Variants in DNAJC15 observed in about 807,000 individuals in gnomAD.
The protein encoded by DNAJC15 is DnaJ heat shock protein family (Hsp40) member C15.
Under a neutral mutation model 22.4 loss-of-function variants are expected in DNAJC15, and 27 were observed. The observed-to-expected ratio is 1.20, with a 90% CI of 0.89 to 1.66. The LOEUF (loss-of-function observed/expected upper bound fraction) is 1.66, where lower values mean the gene tolerates loss of function less well. Among genes scored for constraint, DNAJC15 ranks in the 40% most tolerant of loss-of-function variants. The pLI is 0.00. For synonymous variants in DNAJC15, 79 were observed against 63.2 expected (o/e 1.25, Z -1.19); for missense variants, 208 against 187.1 (o/e 1.11, Z -0.65).
At chr13:43,082,256 C>G (rs1190287620) in intron 4 of DNAJC15, among the ~76,000 whole-genome samples, 4 of 152,040 alleles carry the variant, frequency 2.6e-5, no homozygotes, top group African/African-American at 9.7e-5. Context: ...CATACCCCCA[C>G]TGCCAGCCAG....
rs1279671408 is a variant in DNAJC15 at position 43,108,404 on chromosome 13, T to G, written c.*1156T>G. Reference sequence around the variant, plus strand: ...TTTCTTAGAACATAGTCCCTGATCATTATCACTTTACTATTCCAAAGGTGA... The same window carrying G: ...TTTCTTAGAACATAGTCCCTGATCAGTATCACTTTACTATTCCAAAGGTGA... On this transcript the variant is annotated 3_prime_UTR_variant, in exon 6 of 6. Transcript: ENST00000379221. 1.3e-5 allele frequency: 2 copies of G among 152,194 alleles called. No homozygotes were observed. The highest frequency in any genetic ancestry group is 2.9e-5 in the Non-Finnish European group (2 of 68,010). 9.4% of individuals were successfully genotyped at this position (152,194 alleles called of 1,614,324 possible). A position where few individuals can be genotyped will look rare whatever the true frequency, so the allele number is the denominator to read the frequency against.
At chr13:43,099,318 A>C (rs2040755813) in intron 5 of DNAJC15, among the ~76,000 whole-genome samples, 1 of 152,212 alleles carries the variant, frequency 6.6e-6, no homozygotes, top group Non-Finnish European at 1.5e-5. Context: ...ATACAAGATC[A>C]TGTCACCTAT....
intron 1 of DNAJC15, among the ~76,000 whole-genome samples, chr13:43,062,832 C>T (rs906333839): frequency 5.3e-5 from 8 of 152,016 alleles, no homozygotes; most frequent in Admixed American, 1.3e-4. Context: ...GATTCTCCTG[C>T]CTCAGCCCCC....
chr13:43,024,921 T>C (rs9594866), intron 1 of DNAJC15, among the ~76,000 whole-genome samples: 33,471 of 102,142 alleles, frequency 0.33, 4,394 homozygotes, highest in African/African-American at 0.4. Context: ...ATTAGCTGGG[T>C]GTGGTGGTGT....
intron 5 of DNAJC15, among the ~76,000 whole-genome samples, chr13:43,091,527 A>C (rs1370964800): frequency 6.6e-6 from 1 of 152,168 alleles, no homozygotes. Flanking sequence ...GGTTCATAAT[A>C]TCTTCTTATT....
At chr13:43,044,719 C>T (rs781671569) in intron 1 of DNAJC15, among the ~76,000 whole-genome samples, 3 of 152,012 alleles carry the variant, frequency 2.0e-5, no homozygotes, top group Admixed American at 1.3e-4. Flanking sequence ...CTAGCATTGT[C>T]CATTATATTT....
intron 5 of DNAJC15, among the ~76,000 whole-genome samples, chr13:43,102,150 C>T (rs1332994154): frequency 1.3e-5 from 2 of 151,846 alleles, no homozygotes; most frequent in African/African-American, 4.8e-5. Flanking sequence ...GTATGGCATT[C>T]TGGTTTTGAT....
chr13:43,103,385 G>T (rs2040780739), intron 5 of DNAJC15, among the ~76,000 whole-genome samples: 1 of 152,172 alleles, frequency 6.6e-6, no homozygotes, highest in Non-Finnish European at 1.5e-5. Flanking sequence ...AGGTTTTACA[G>T]GGGTACACTG....
intron 4 of DNAJC15, 28 bp from the exon 5 acceptor site, chr13:43,085,739 AT>A: frequency 6.3e-7 from 1 of 1,590,496 alleles, no homozygotes; most frequent in Non-Finnish European, 8.6e-7. Flanking sequence ...GATGCTATTT[AT>A]TATAAGCACT....
In DNAJC15 at chr13:43,058,859, C is replaced by G. The variant is rs115430478; in HGVS notation, c.109-6827C>G. Among the ~76,000 whole-genome samples, 433 of 152,258 alleles carry G rather than the reference C, an allele frequency of 2.8e-3. 2 individuals carry two copies. The highest frequency in any genetic ancestry group is 1.0e-2 in the African/African-American group (415 of 41,546). The stretch of plus-strand genomic sequence containing the variant: ...AATTTTCGCTCAGCTCTCTTCAGCT[C>G]TAGGTAAGGTTAAATCCTACTGTTT... On this transcript the variant is annotated intron_variant, in intron 1 of 5. Transcript: ENST00000379221.
chr13:43,098,563 A>G (rs1434106171), intron 5 of DNAJC15, among the ~76,000 whole-genome samples: 2 of 152,216 alleles, frequency 1.3e-5, no homozygotes, highest in East Asian at 1.9e-4. Context: ...TTAATGCTAT[A>G]TTGAGATACC....
At chr13:43,085,735 A>G (rs760396231) in intron 4 of DNAJC15, 33 bp from the exon 5 acceptor site, 9 of 1,571,934 alleles carry the variant, frequency 5.7e-6, no homozygotes, top group South Asian at 4.6e-5. Flanking sequence ...ATTTGATGCT[A>G]TTTATTATAA....
chr13:43,056,324 G>C (rs908427397), intron 1 of DNAJC15, among the ~76,000 whole-genome samples: 1 of 152,016 alleles, frequency 6.6e-6, no homozygotes, highest in Non-Finnish European at 1.5e-5. Context: ...TTTTAGTAGA[G>C]ACATGGTTTC....
chr13:43,034,154 T>G (rs962979242), intron 1 of DNAJC15, among the ~76,000 whole-genome samples: 1 of 152,038 alleles, frequency 6.6e-6, no homozygotes, highest in African/African-American at 2.4e-5. Flanking sequence ...TGAGTTTTCT[T>G]AACTGTAAAC....
chr13:43,074,753 A>G (rs903520389), intron 3 of DNAJC15, among the ~76,000 whole-genome samples: 4 of 152,190 alleles, frequency 2.6e-5, no homozygotes, highest in African/African-American at 9.7e-5. Flanking sequence ...TAAGACCTAA[A>G]TTTTCTAGAA....
At chr13:43,072,581 ATTTTT>A (rs140917513) in intron 3 of DNAJC15, among the ~76,000 whole-genome samples, 1 of 136,630 alleles carries the variant, frequency 7.3e-6, no homozygotes, top group Non-Finnish European at 1.6e-5. Flanking sequence ...TCACATCAGC[ATTTTT>A]TTTTTTTTTT....
chr13:43,062,717 T>G (rs1566207520), intron 1 of DNAJC15, among the ~76,000 whole-genome samples: 2 of 152,148 alleles, frequency 1.3e-5, no homozygotes, highest in Non-Finnish European at 2.9e-5. Flanking sequence ...ATATTTTTCT[T>G]TTTTCTTTTC....
chr13:43,064,585 G>A (rs1179255389), intron 1 of DNAJC15, among the ~76,000 whole-genome samples: 1 of 152,136 alleles, frequency 6.6e-6, no homozygotes, highest in African/African-American at 2.4e-5. Context: ...ATTAGAATTT[G>A]TTTTGGCTCC....
At chr13:43,066,430 TC>T (rs1037394118) in intron 2 of DNAJC15, among the ~76,000 whole-genome samples, 5 of 152,020 alleles carry the variant, frequency 3.3e-5, no homozygotes, top group African/African-American at 1.2e-4. Flanking sequence ...ACTGTCACTC[TC>T]CTCCTTCTCT....
Sources: allele counts gnomAD v4.1 joint callset (sites outside exome capture counted in the v4.1 genomes callset), GRCh38; gene constraint gnomAD v4.1.1; transcripts MANE v1.5; gene names NCBI Gene and HGNC (gene_info 2026-07-23, HGNC 2026-07-21).